Variants in ASTN2 observed in about 807,000 individuals in gnomAD.
ASTN2 encodes astrotactin 2.
Under a neutral mutation model 139.8 loss-of-function variants are expected in ASTN2, and 54 were observed. The observed-to-expected ratio is 0.39, with a 90% confidence interval of 0.31 to 0.48. The LOEUF (loss-of-function observed/expected upper bound fraction) is 0.48. Ranked by LOEUF, ASTN2 falls within the 20% of genes least tolerant of loss-of-function variation. The pLI is 0.95. For missense variants in ASTN2, 1,565 were observed against 1,725.1 expected, an observed-to-expected ratio of 0.91 and a Z score of 1.64; for synonymous variants, 756 against 719.5, an observed-to-expected ratio of 1.05 and a Z score of -0.81.
chr9:117,213,415 AATAC>A (rs1318625263), intron 3 of ASTN2, among the ~76,000 whole-genome samples: 1 of 152,176 alleles, frequency 6.6e-6, no homozygotes, highest in African/African-American at 2.4e-5. Context: ...TTATTAATGT[AATAC>A]ATAGTTTCAA....
intron 2 of ASTN2, among the ~76,000 whole-genome samples, chr9:117,219,755 CT>C (rs1023238198): frequency 5.9e-5 from 9 of 152,276 alleles, no homozygotes; most frequent in African/African-American, 2.2e-4. Context: ...AAGTGCACCC[CT>C]ATCCCTTCTG....
At chr9:117,034,631 T>A (rs1838332633) in intron 6 of ASTN2, among the ~76,000 whole-genome samples, 1 of 152,120 alleles carries the variant, frequency 6.6e-6, no homozygotes, top group East Asian at 1.9e-4. Context: ...TAGAGAGTTC[T>A]TGTAAAGAAT....
chr9:116,701,697 A>G lies in ASTN2; in HGVS notation c.2806+24074T>C, dbSNP rs150928412. Among the ~76,000 whole-genome samples, 3 of 152,322 alleles carry G rather than the reference A, an allele frequency of 2.0e-5. No homozygotes were observed. The East Asian group carries it at 5.8e-4, about 29-fold the overall frequency. On this transcript the variant is annotated intron_variant, in intron 16 of 22. Transcript: ENST00000313400. The stretch of plus-strand genomic sequence containing the variant: ...TAAACCAGTCATGCCTTTTCCCTCA[A>G]GTAAAGCAGTTATCTGTTGGCTCAA...
chr9:116,465,824 G>C (rs2118987206), intron 20 of ASTN2, among the ~76,000 whole-genome samples: 1 of 152,292 alleles, frequency 6.6e-6, no homozygotes, highest in Middle Eastern at 3.4e-3. Context: ...ATGGGGCTGA[G>C]AAGGCTACTT....
At chr9:117,298,066 T>A (rs1252239130) in intron 1 of ASTN2, among the ~76,000 whole-genome samples, 4 of 152,210 alleles carry the variant, frequency 2.6e-5, no homozygotes, top group Non-Finnish European at 5.9e-5. Context: ...GCTACCAGGA[T>A]GAAATTTCTA....
At chr9:116,969,854 T>C (rs1171426458) in intron 10 of ASTN2, among the ~76,000 whole-genome samples, 1 of 152,160 alleles carries the variant, frequency 6.6e-6, no homozygotes. Flanking sequence ...TATTATTACA[T>C]AGTTTCTGTG....
chr9:117,115,793 AGG>A (rs1245695753), intron 4 of ASTN2, among the ~76,000 whole-genome samples: 1 of 152,094 alleles, frequency 6.6e-6, no homozygotes, highest in Non-Finnish European at 1.5e-5. Context: ...TGGGAGGCCA[AGG>A]CAGGAGGATC....
chr9:116,631,046 C>CA (rs1469439304), intron 17 of ASTN2, among the ~76,000 whole-genome samples: 7 of 152,016 alleles, frequency 4.6e-5, no homozygotes, highest in Non-Finnish European at 8.8e-5. Flanking sequence ...ACAAAAAAGA[C>CA]AAAAAATAAC....
At chr9:116,941,627 C>T (rs1430895880) in intron 10 of ASTN2, among the ~76,000 whole-genome samples, 2 of 151,346 alleles carry the variant, frequency 1.3e-5, no homozygotes, top group African/African-American at 4.9e-5. Flanking sequence ...ACAGAAACAC[C>T]TAGAATAATG....
intron 1 of ASTN2, among the ~76,000 whole-genome samples, chr9:117,387,854 T>C (rs1830439753): frequency 6.6e-6 from 1 of 152,160 alleles, no homozygotes; most frequent in African/African-American, 2.4e-5. Flanking sequence ...CTAAAACTAC[T>C]TCCATGATCA....
In ASTN2 at chr9:116,995,158, G is replaced by A. The variant is rs552705941; in HGVS notation, c.1591+12934C>T. Reference sequence around the variant, plus strand: ...ACACTTGTGTTAGTACAAGTTTCATGTGTTCACATGTTATCTATCCTTCAA... The same window carrying A: ...ACACTTGTGTTAGTACAAGTTTCATATGTTCACATGTTATCTATCCTTCAA... On this transcript the variant is annotated intron_variant, in intron 7 of 22. Transcript: ENST00000313400. 3.9e-5 allele frequency among the ~76,000 whole-genome samples: 6 copies of A among 152,294 alleles called. No homozygotes were observed. The East Asian group carries it at 1.2e-3, about 29-fold the overall frequency.
At position 117,414,785 on chromosome 9, in the gene ASTN2, T is replaced by C. The variant is rs1203043247; in HGVS notation, c.154A>G (p.Thr52Ala). 1.4e-5 allele frequency: 17 copies of C among 1,253,114 alleles called. No homozygotes were observed. Among genetic ancestry groups the C allele is most frequent in the East Asian group, 3.7e-5 (1 of 27,306 alleles). 77.6% of individuals were successfully genotyped at this position (1,253,114 alleles called of 1,614,324 possible). The part of the protein sequence containing the change: ...LPPPPLLAGA[T>A]AAASREPDSP... ...TCGGGCTCCCGCGAGGCAGCGGCGG[T>C]GGCGCCGGCCAGCAGCGGCGGCGGC... is the stretch of plus-strand genomic sequence containing the variant. The change falls in exon 1 of 23, where the codon ACC becomes GCC. Residue 52 changes from threonine to alanine, a missense_variant. By Grantham distance (58) the Thr-to-Ala change is moderately conservative. This residue lies in a region of ASTN2 where 596 missense variants were observed against 576.8 expected (regional missense o/e 1.03). Transcript: ENST00000313400. The surrounding 1 kb of genome is among the most constrained non-coding windows in gnomAD (Gnocchi z 4.2).
At chr9:117,289,852 T>G (rs1415602612) in intron 2 of ASTN2, among the ~76,000 whole-genome samples, 1 of 152,210 alleles carries the variant, frequency 6.6e-6, no homozygotes, top group Non-Finnish European at 1.5e-5. Context: ...GGCCTTGATT[T>G]GTTCCTCCAC....
intron 11 of ASTN2, among the ~76,000 whole-genome samples, chr9:116,829,160 C>A (rs375256545): frequency 7.3e-5 from 11 of 151,570 alleles, no homozygotes; most frequent in African/African-American, 2.7e-4. Context: ...AAAAAAAATC[C>A]TAAAATTCAT....
chr9:117,167,183 T>C lies in ASTN2; in HGVS notation c.1016-25705A>G, dbSNP rs531190871. Among the ~76,000 whole-genome samples, 6 of 152,246 alleles carry C rather than the reference T, an allele frequency of 3.9e-5. No individual in the cohort carries two copies. In the South Asian group the frequency reaches 6.2e-4, roughly 16 times the overall value. ...CTTCGAGCGAAACACACGATCTATA[T>C]TGATTTGTCTATAATGCTCTATCTC... On this transcript the variant is annotated intron_variant, in intron 3 of 22. Coordinates refer to ENST00000313400, the MANE Select transcript of ASTN2 (RefSeq NM_001365068.1).
intron 20 of ASTN2, among the ~76,000 whole-genome samples, chr9:116,451,797 A>G (rs552678403): frequency 6.7e-6 from 1 of 150,094 alleles, no homozygotes; most frequent in South Asian, 2.2e-4. Context: ...AGTGAATAAG[A>G]CAGTGGATTT....
intron 5 of ASTN2, among the ~76,000 whole-genome samples, chr9:117,082,913 C>G (rs1040787005): frequency 2.6e-5 from 4 of 152,190 alleles, no homozygotes; most frequent in Admixed American, 6.5e-5. Context: ...TAGAGCTTGG[C>G]CACCTCTCGT....
intron 10 of ASTN2, among the ~76,000 whole-genome samples, chr9:116,875,311 A>G (rs1277453832): frequency 6.6e-6 from 1 of 152,240 alleles, no homozygotes. Flanking sequence ...AGAGGTGTGG[A>G]TAAATTAAAC....
intron 16 of ASTN2, among the ~76,000 whole-genome samples, chr9:116,672,515 G>A (rs1395657585): frequency 6.6e-6 from 1 of 152,134 alleles, no homozygotes; most frequent in African/African-American, 2.4e-5. Context: ...TGAGACTATT[G>A]TGTTGAGAAT....
Sources: gnomAD v4.1 joint callset for allele counts (sites outside exome capture counted in the v4.1 genomes callset) on GRCh38, gnomAD v4.1.1 for gene constraint, gnomAD v4.1.1 regional missense constraint, Gnocchi (gnomAD v3.1) non-coding constraint, MANE v1.5 for transcripts, NCBI Gene and HGNC (gene_info 2026-07-23, HGNC 2026-07-21) for gene names.